SLC7A8: variants seen among roughly 807,000 people sequenced by gnomAD.
The protein encoded by SLC7A8 is large neutral amino acids transporter small subunit 2.
Under a neutral mutation model 51.2 loss-of-function variants are expected in SLC7A8, and 30 were observed. The observed-to-expected ratio is 0.59, with a 90% CI of 0.44 to 0.80. SLC7A8 has a LOEUF of 0.80. Among genes scored for constraint, SLC7A8 ranks in the 30% least tolerant of loss-of-function variants. The pLI, the probability that SLC7A8 is intolerant of heterozygous loss-of-function variation, is 0.00. For synonymous variants in SLC7A8, 257 were observed against 275.8 expected, an observed-to-expected ratio of 0.93 and a Z score of 0.67; for missense variants, 612 against 674.4, an observed-to-expected ratio of 0.91 and a Z score of 1.03.
rs1482532168 is a variant in SLC7A8, at chr14:23,166,499, C to T, written c.193G>A (p.Val65Met). 2 of 1,614,178 alleles carry T rather than the reference C, an allele frequency of 1.2e-6. No homozygotes were observed. Among genetic ancestry groups the T allele is most frequent in the East Asian group, 2.2e-5 (1 of 44,878 alleles). Residue 65 changes from valine (V) to methionine (M), a missense_variant, in exon 2 of 11, where the codon GTG (valine) becomes ATG (methionine). Coordinates refer to ENST00000316902, the MANE Select transcript of SLC7A8 (RefSeq NM_012244.4). ...CCCACAGAACCAGCATTCTCCAGCA[C>T]TCCCTTTGGCGAGACAAAGATTCCA... The part of the protein sequence containing the change: ...GSGIFVSPKG[V>M]LENAGSVGLA...
intron 3 of SLC7A8, among the ~76,000 whole-genome samples, chr14:23,150,127 G>A (rs2048833449): frequency 6.6e-6 from 1 of 152,184 alleles, no homozygotes; most frequent in African/African-American, 2.4e-5. Flanking sequence ...AGTGCCTTTT[G>A]AAATAGAACA....
chr14:23,134,502 T>C (rs1202113880), intron 7 of SLC7A8, among the ~76,000 whole-genome samples: 1 of 123,526 alleles, frequency 8.1e-6, no homozygotes, highest in Non-Finnish European at 1.8e-5. Flanking sequence ...AATTCTAAAA[T>C]AGATGGAATA....
chr14:23,177,799 C>T (rs2140341699), intron 1 of SLC7A8, among the ~76,000 whole-genome samples: 1 of 152,328 alleles, frequency 6.6e-6, no homozygotes, highest in East Asian at 1.9e-4. Context: ...TACTTTCTTC[C>T]ACTCCCAGCT....
intron 3 of SLC7A8, among the ~76,000 whole-genome samples, chr14:23,161,682 C>G (rs185853952): frequency 1.2e-3 from 180 of 152,238 alleles, no homozygotes; most frequent in Admixed American, 2.2e-3. Context: ...AGTGGCCTCA[C>G]TTTGGGAGGC....
At chr14:23,136,163 T>C (rs909828529) in intron 7 of SLC7A8, among the ~76,000 whole-genome samples, 1 of 152,186 alleles carries the variant, frequency 6.6e-6, no homozygotes, top group African/African-American at 2.4e-5. Flanking sequence ...ATCAGAAGTG[T>C]GGGAGCTGAC....
chr14:23,131,699 C>A (rs1433475425), intron 7 of SLC7A8, 142 bp from the exon 8 acceptor site: 1 of 576,176 alleles, frequency 1.7e-6, no homozygotes, highest in African/African-American at 1.9e-5. Context: ...ACTTTCCACC[C>A]CACCAGTCAC....
chr14:23,168,759 T>C (rs1594839518), intron 1 of SLC7A8, among the ~76,000 whole-genome samples: 1 of 152,300 alleles, frequency 6.6e-6, no homozygotes, highest in East Asian at 1.9e-4. Context: ...CACTAAGGGT[T>C]CGTAGAAAAC....
At chr14:23,168,220 A>G (rs1307704111) in intron 1 of SLC7A8, among the ~76,000 whole-genome samples, 2 of 152,246 alleles carry the variant, frequency 1.3e-5, no homozygotes, top group Middle Eastern at 3.2e-3. Flanking sequence ...GTAAAGTTCT[A>G]TGATAGGACA....
intron 3 of SLC7A8, among the ~76,000 whole-genome samples, chr14:23,148,721 A>G (rs755884381): frequency 1.2e-4 from 18 of 152,232 alleles, no homozygotes; most frequent in Non-Finnish European, 1.9e-4. Flanking sequence ...AGATGGGGCC[A>G]TGAGCCAAAG....
rs1448440251 is a variant in SLC7A8, at chr14:23,183,161, C to T, written c.-247G>A. ...CTAAAAAAAAAAAAAAAAAAAAAGG[C>T]CAGGGGAGACATACATTTAAATATA... On this transcript the variant is annotated 5_prime_UTR_variant, in exon 1 of 11. Transcript: ENST00000316902. The T allele has an allele frequency of 8.8e-6, 3 of 340,728 alleles. No individual in the cohort carries two copies. Among genetic ancestry groups the T allele is most frequent in the Non-Finnish European group, 1.5e-5 (3 of 194,018 alleles). The allele number at this position is 340,728 out of a possible 1,614,324, so 21.1% of individuals were successfully genotyped here.
At chr14:23,176,813 G>A (rs780349689) in intron 1 of SLC7A8, among the ~76,000 whole-genome samples, 18 of 151,896 alleles carry the variant, frequency 1.2e-4, no homozygotes, top group Admixed American at 3.9e-4. Flanking sequence ...GTGGTAGCTC[G>A]CGCCTGTAAT....
Position 23,183,410 on chromosome 14 carries a change from A to G in SLC7A8, c.-496T>C, listed in dbSNP as rs1877277104. The stretch of plus-strand genomic sequence containing the variant: ...AAGTAGTTTTCATTAACGGTAGGAA[A>G]AAAGAGCAATCCTCAGGTACTTTCT... On this transcript the variant is annotated 5_prime_UTR_variant, in exon 1 of 11. Transcript: ENST00000316902. 6.5e-6 allele frequency: 1 copy of G among 152,718 alleles called. No individual in the cohort carries two copies. The highest frequency in any genetic ancestry group is 1.5e-5 in the Non-Finnish European group (1 of 68,402). 9.5% of individuals were successfully genotyped at this position (152,718 alleles called of 1,614,324 possible).
At chr14:23,171,331 G>T (rs2048974326) in intron 1 of SLC7A8, among the ~76,000 whole-genome samples, 1 of 152,136 alleles carries the variant, frequency 6.6e-6, no homozygotes, top group African/African-American at 2.4e-5. Context: ...TCATTAAAAA[G>T]GAGCCATGTT....
chr14:23,146,128 C>T (rs920256843), intron 3 of SLC7A8, among the ~76,000 whole-genome samples: 6 of 152,142 alleles, frequency 3.9e-5, no homozygotes, highest in African/African-American at 1.2e-4. Context: ...AAGGCTGCGC[C>T]CCTTCACCCA....
At chr14:23,140,333 G>A (rs923641287) in intron 5 of SLC7A8, 138 bp downstream of exon 5, 41 of 915,606 alleles carry the variant, frequency 4.5e-5, no homozygotes, top group Middle Eastern at 6.5e-4. Context: ...AATGAACTAC[G>A]ACTTCAGGAT....
intron 5 of SLC7A8, 70 bp downstream of exon 5, chr14:23,140,401 C>G: frequency 6.7e-7 from 1 of 1,497,808 alleles, no homozygotes; most frequent in Non-Finnish European, 9.1e-7. Context: ...TGGACACCTG[C>G]TCCCTCTTTC....
intron 5 of SLC7A8, among the ~76,000 whole-genome samples, chr14:23,140,192 G>A (rs1282638882): frequency 6.6e-6 from 1 of 152,082 alleles, no homozygotes; most frequent in Non-Finnish European, 1.5e-5. Flanking sequence ...AGCCTCTCAG[G>A]GCACAATTCA....
chr14:23,147,095 A>ATCCATCCATCCATCCATCCT (rs1278729309), intron 3 of SLC7A8, among the ~76,000 whole-genome samples: 4 of 151,744 alleles, frequency 2.6e-5, no homozygotes, highest in African/African-American at 9.7e-5. Context: ...CCATCCATCC[A>ATCCATCCATCCATCCATCCT]TCCATCCATC....
intron 3 of SLC7A8, among the ~76,000 whole-genome samples, chr14:23,146,028 T>C (rs140045398): frequency 8.0e-4 from 122 of 152,382 alleles, no homozygotes; most frequent in African/African-American, 2.9e-3. Context: ...TTCAGGATCA[T>C]GTGCCTGGTG....
Sources: gnomAD v4.1 joint callset for allele counts (sites outside exome capture counted in the v4.1 genomes callset) on GRCh38, gnomAD v4.1.1 for gene constraint, MANE v1.5 for transcripts, NCBI Gene and HGNC (gene_info 2026-07-23, HGNC 2026-07-21) for gene names.